Variants in CIB1 observed in about 807,000 individuals in gnomAD.
CIB1 encodes calcium and integrin binding 1.
CIB1 carries 19 observed loss-of-function variants against 25.0 expected under a neutral mutation model. The observed-to-expected ratio is 0.76, with a 90% confidence interval of 0.53 to 1.12. The LOEUF is 1.12. CIB1 is among the 50% of genes most tolerant of loss of function. CIB1 has a pLI of 0.00. For missense variants in CIB1, 236 were observed against 242.6 expected (o/e 0.97, Z 0.18); for synonymous variants, 104 against 98.5 (o/e 1.06, Z -0.33).
At chr15:90,246,272 C>CA in the CIB1 span, among the ~76,000 whole-genome samples, 27 of 147,492 alleles carry the variant, frequency 1.8e-4, 1 homozygote, top group South Asian at 6.4e-4. Flanking sequence ...GACTCCATCT[C>CA]AAAAAAAAAA....
the CIB1 span, chr15:90,265,598 G>T: frequency 2.8e-6 from 4 of 1,433,614 alleles, no homozygotes; most frequent in African/African-American, 4.2e-5. Context: ...ACCAAGTGAA[G>T]CGGGAAATAA....
At chr15:90,238,097 C>T (rs1324039073), upstream of CIB1, among the ~76,000 whole-genome samples, 2 of 152,136 alleles carry the variant, frequency 1.3e-5, no homozygotes, top group Non-Finnish European at 2.9e-5. Context: ...GTCAGGAGTT[C>T]GAGACCAGCC....
the CIB1 span, chr15:90,256,343 T>C: frequency 2.5e-6 from 4 of 1,610,448 alleles, no homozygotes; most frequent in South Asian, 2.2e-5. Flanking sequence ...TCCCCAGCAC[T>C]GGGCTGCCTC....
the CIB1 span, among the ~76,000 whole-genome samples, chr15:90,264,214 C>A: frequency 6.6e-6 from 1 of 151,776 alleles, no homozygotes; most frequent in Non-Finnish European, 1.5e-5. Context: ...TTTTTTGAGA[C>A]AAGGTCACGC....
chr15:90,264,886 A>G, the CIB1 span: 4 of 1,536,010 alleles, frequency 2.6e-6, no homozygotes, highest in Non-Finnish European at 3.5e-6. Context: ...AACACAGAGC[A>G]GCCAAGGTTC....
chr15:90,262,469 C>A, the CIB1 span: 1 of 1,460,934 alleles, frequency 6.8e-7, no homozygotes, highest in South Asian at 1.4e-5. Flanking sequence ...TCTCTACTGT[C>A]TGAAGCTGCT....
At chr15:90,254,348 C>T in the CIB1 span, among the ~76,000 whole-genome samples, 83 of 148,692 alleles carry the variant, frequency 5.6e-4, no homozygotes, top group African/African-American at 2.1e-3. Context: ...CAAAAATTAA[C>T]CAGGCATGGT....
the CIB1 span, chr15:90,258,778 C>G: frequency 1.2e-6 from 2 of 1,614,164 alleles, no homozygotes; most frequent in Admixed American, 1.7e-5. Context: ...CGGACTCATG[C>G]CTTGATCAAG....
In CIB1 at chr15:90,230,523, G is replaced by C; in HGVS notation, c.555-18C>G. 1 of 1,551,536 alleles carries C rather than the reference G, an allele frequency of 6.4e-7. No homozygotes were observed. Among genetic ancestry groups the C allele is most frequent in the Non-Finnish European group, 8.7e-7 (1 of 1,146,878 alleles). On this transcript the variant is annotated intron_variant, in intron 6 of 6. Coordinates refer to ENST00000328649, the MANE Select transcript of CIB1 (RefSeq NM_006384.4). ...TAAAGGAGCTGAACAAGAGAAAAGC[G>C]GTGGGTTTTCTGCTGGAAGAGGAGG...
the CIB1 span, chr15:90,263,218 C>T: frequency 7.4e-7 from 1 of 1,349,774 alleles, no homozygotes; most frequent in African/African-American, 1.5e-5. Flanking sequence ...GTGTTGGTCT[C>T]AACAAAGGAG....
the CIB1 span, among the ~76,000 whole-genome samples, chr15:90,264,555 G>A: frequency 1.3e-5 from 2 of 152,120 alleles, no homozygotes; most frequent in Non-Finnish European, 2.9e-5. Flanking sequence ...TAGGAACATG[G>A]ACAAAAAGAC....
At chr15:90,233,355 A>C (rs1962549334) in intron 2 of CIB1, among the ~76,000 whole-genome samples, 1 of 152,270 alleles carries the variant, frequency 6.6e-6, no homozygotes, top group African/African-American at 2.4e-5. Context: ...TGGTTTAGCC[A>C]CTGGGCAAGG....
At chr15:90,242,278 T>C in the CIB1 span, 1 of 247,806 alleles carries the variant, frequency 4.0e-6, no homozygotes, top group Non-Finnish European at 6.7e-6. Flanking sequence ...TTTTTTTTTT[T>C]AACGATTAGG....
the CIB1 span, chr15:90,263,371 A>G: frequency 3.8e-6 from 2 of 520,378 alleles, no homozygotes; most frequent in Admixed American, 3.5e-5. Context: ...TGCAGCTCCA[A>G]ACCTTCTCAT....
the CIB1 span, among the ~76,000 whole-genome samples, chr15:90,239,908 G>C: frequency 1.2e-4 from 19 of 152,300 alleles, no homozygotes; most frequent in South Asian, 3.7e-3. Flanking sequence ...CTGGGTGACA[G>C]AGTGAGAACC....
chr15:90,240,558 A>G, the CIB1 span, among the ~76,000 whole-genome samples: 152 of 152,066 alleles, frequency 1.0e-3, 1 homozygote, highest in African/African-American at 3.6e-3. Context: ...CATGCCTGTA[A>G]TCCCAGCACT....
chr15:90,247,821 C>T, the CIB1 span, among the ~76,000 whole-genome samples: 2 of 148,870 alleles, frequency 1.3e-5, no homozygotes, highest in African/African-American at 2.6e-5. Context: ...CTGCAAGCTC[C>T]GGATTCACAC....
At chr15:90,250,977 A>C in the CIB1 span, 1 of 1,493,748 alleles carries the variant, frequency 6.7e-7, no homozygotes, top group Non-Finnish European at 9.0e-7. Flanking sequence ...GGGATCTCAG[A>C]TCTTCCCTTT....
upstream of CIB1, chr15:90,234,003 C>A (rs903461974): frequency 2.8e-5 from 32 of 1,159,284 alleles, no homozygotes; most frequent in Non-Finnish European, 3.6e-5. Context: ...GGGGCCACCA[C>A]CCCCGGGCCC....
Sources: gnomAD v4.1 joint callset for allele counts (sites outside exome capture counted in the v4.1 genomes callset) on GRCh38, gnomAD v4.1.1 for gene constraint, MANE v1.5 for transcripts, NCBI Gene and HGNC (gene_info 2026-07-23, HGNC 2026-07-21) for gene names.